The following GNAI1 variants were observed in gnomAD, a reference collection of about 807,000 sequenced individuals.
The protein encoded by GNAI1 is guanine nucleotide-binding protein G(i) subunit alpha-1.
A neutral mutation model predicts 38.9 loss-of-function variants in GNAI1; 11 were observed. That is an observed-to-expected ratio of 0.28 (90% CI 0.18 to 0.47). GNAI1 has a LOEUF of 0.47. GNAI1 is among the 20% of genes least tolerant of loss of function. The pLI is 0.99. For missense variants in GNAI1, 317 were observed against 436.9 expected (o/e 0.73, Z 2.45); for synonymous variants, 166 against 145.1 (o/e 1.14, Z -1.04).
chr7:80,147,974 A>G (rs1787657179), intron 1 of GNAI1, among the ~76,000 whole-genome samples: 3 of 152,168 alleles, frequency 2.0e-5, no homozygotes, highest in African/African-American at 2.4e-5. Flanking sequence ...TACATAACAC[A>G]TTATTGGAAC....
rs1030031797 is a variant in GNAI1, at chr7:80,225,860, C to A, written c.*8367C>A. 6.6e-6 allele frequency among the ~76,000 whole-genome samples: 1 copy of A among 152,110 alleles called. No individual in the cohort carries two copies. Among genetic ancestry groups the A allele is most frequent in the Admixed American group, 6.5e-5 (1 of 15,268 alleles). On this transcript the variant is annotated 3_prime_UTR_variant, in exon 8 of 8. Coordinates refer to ENST00000649796, the MANE Select transcript of GNAI1 (RefSeq NM_002069.6). ...AATTAGATTTATGTGCAGATTTTAG[C>A]TACCCTTGTCCTTGGAATGTGTATG...
At chr7:80,209,714 C>T (rs7776592) in intron 5 of GNAI1, among the ~76,000 whole-genome samples, 8,453 of 152,178 alleles carry the variant, frequency 0.056, 824 homozygotes, top group African/African-American at 0.19. Context: ...GATATGCTAT[C>T]TTTTCAGTAA....
chr7:80,164,698 T>C (rs1329997985), intron 1 of GNAI1, among the ~76,000 whole-genome samples: 2 of 152,178 alleles, frequency 1.3e-5, no homozygotes, highest in Admixed American at 6.5e-5. Context: ...CTCTAGACTT[T>C]ACCTAATTTT....
rs372773046 is a variant in GNAI1, at chr7:80,164,005, C to T, written c.119-24946C>T. On this transcript the variant is annotated intron_variant, in intron 1 of 7. Coordinates refer to ENST00000649796, the MANE Select transcript of GNAI1 (RefSeq NM_002069.6). ...TTTGGTGGGGGGACCGAGTCTCTCT[C>T]TGTCACCAGGCTTCTTTGTCAAACT... Among the ~76,000 whole-genome samples, 22 of 123,162 alleles carry T rather than the reference C, an allele frequency of 1.8e-4. No individual in the cohort carries two copies. In the South Asian group the frequency reaches 1.9e-3, roughly 11 times the overall value. The allele number at this position is 123,162 out of a possible 152,430, so 80.8% of individuals were successfully genotyped here. A position where few individuals can be genotyped will look rare whatever the true frequency, so the allele number is the denominator to read the frequency against.
chr7:80,147,262 C>T (rs1015380097), intron 1 of GNAI1, among the ~76,000 whole-genome samples: 4 of 151,844 alleles, frequency 2.6e-5, no homozygotes, highest in East Asian at 1.9e-4. Flanking sequence ...ATTCACATGT[C>T]GAAACCCTAA....
At chr7:80,178,241 G>A (rs1330052469) in intron 1 of GNAI1, among the ~76,000 whole-genome samples, 1 of 152,212 alleles carries the variant, frequency 6.6e-6, no homozygotes, top group Non-Finnish European at 1.5e-5. Flanking sequence ...TTGAGATGGA[G>A]TCTTTTCCTG....
In GNAI1 at chr7:80,222,285, T is replaced by TA. The variant is rs1176360042; in HGVS notation, c.*4792_*4793insA. Among the ~76,000 whole-genome samples the TA allele has an allele frequency of 1.3e-5, 2 of 152,066 alleles. No individual in the cohort carries two copies. The highest frequency in any genetic ancestry group is 2.9e-5 in the Non-Finnish European group (2 of 68,002). On this transcript the variant is annotated 3_prime_UTR_variant, in exon 8 of 8. Coordinates refer to ENST00000649796, the MANE Select transcript of GNAI1 (RefSeq NM_002069.6). ...TGAGTATTGTGTATAAGGTCAAATATTTCCAGCTTCTTTGATTTTACTGCC... is the reference window on the plus strand; with the variant it reads ...TGAGTATTGTGTATAAGGTCAAATATATTCCAGCTTCTTTGATTTTACTGCC...
In GNAI1 at chr7:80,211,125, G is replaced by A. The variant is rs368164174; in HGVS notation, c.720+27G>A. 1.5e-5 allele frequency: 24 copies of A among 1,604,026 alleles called. No individual in the cohort carries two copies. The Admixed American group carries it at 1.5e-4, about 10-fold the overall frequency. The stretch of plus-strand genomic sequence containing the variant: ...CAAGTAGAACTACTTTAAGAGTTGA[G>A]CTTGAAACATGAAGAGCTGAAGGTG... On this transcript the variant is annotated intron_variant, in intron 6 of 7. Transcript: ENST00000649796.
At chr7:80,157,944 A>C (rs1265157697) in intron 1 of GNAI1, among the ~76,000 whole-genome samples, 1 of 152,076 alleles carries the variant, frequency 6.6e-6, no homozygotes, top group African/African-American at 2.4e-5. Context: ...CCTGACCTCA[A>C]GTGATTCATC....
rs1014839874 is a variant in GNAI1 at position 80,164,292 on chromosome 7, C to T, written c.119-24659C>T. On this transcript the variant is annotated intron_variant, in intron 1 of 7. Transcript: ENST00000649796. ...CTCTTGACCTCGTGAGCTGCCACCT[C>T]GGCCTCCCAAAGTGCTGGGATTACA... 7.9e-5 allele frequency among the ~76,000 whole-genome samples: 12 copies of T among 151,628 alleles called. No individual in the cohort carries two copies. The South Asian group carries it at 1.0e-3, about 13-fold the overall frequency.
At chr7:80,179,335 T>C (rs1788251133) in intron 1 of GNAI1, among the ~76,000 whole-genome samples, 1 of 152,188 alleles carries the variant, frequency 6.6e-6, no homozygotes, top group South Asian at 2.1e-4. Context: ...AGTTTCTTTC[T>C]GATTCAGTAA....
intron 1 of GNAI1, among the ~76,000 whole-genome samples, chr7:80,157,128 C>T (rs1466771678): frequency 7.2e-5 from 11 of 152,186 alleles, no homozygotes; most frequent in Non-Finnish European, 1.6e-4. Flanking sequence ...TCCCTCCTAC[C>T]TTATGCTAAG....
chr7:80,155,627 CT>C, intron 1 of GNAI1, among the ~76,000 whole-genome samples: 1 of 151,820 alleles, frequency 6.6e-6, no homozygotes, highest in East Asian at 1.9e-4. Context: ...AGGCTGGTGC[CT>C]TTATTATTGA....
In GNAI1 at chr7:80,192,989, G is replaced by A. The variant is rs142189299; in HGVS notation, c.303+3758G>A. On this transcript the variant is annotated intron_variant, in intron 3 of 7. Coordinates refer to ENST00000649796, the MANE Select transcript of GNAI1 (RefSeq NM_002069.6). ...GCTGGGATTATAGGCATGAGGCACC[G>A]CACCCGGCCTTGTTTTATTGTTTTT... Among the ~76,000 whole-genome samples the A allele has an allele frequency of 3.3e-3, 496 of 148,068 alleles. 1 individual carries two copies. Among genetic ancestry groups the A allele is most frequent in the African/African-American group, 0.012 (460 of 39,946 alleles).
chr7:80,138,898 T>C (rs1279703294), intron 1 of GNAI1, among the ~76,000 whole-genome samples: 2 of 152,134 alleles, frequency 1.3e-5, no homozygotes, highest in Non-Finnish European at 2.9e-5. Context: ...TTGGTGGATA[T>C]TTTTCTATTG....
At chr7:80,159,879 A>G (rs957717832) in intron 1 of GNAI1, among the ~76,000 whole-genome samples, 3 of 152,202 alleles carry the variant, frequency 2.0e-5, no homozygotes, top group Non-Finnish European at 4.4e-5. Context: ...AACACATCTC[A>G]TAGGGATTGC....
chr7:80,168,946 T>A (rs1788058509), intron 1 of GNAI1, among the ~76,000 whole-genome samples: 1 of 152,252 alleles, frequency 6.6e-6, no homozygotes, highest in Non-Finnish European at 1.5e-5. Context: ...TCTTTTTATG[T>A]TACAGGACCT....
chr7:80,208,137 A>C (rs1269280231), intron 5 of GNAI1, among the ~76,000 whole-genome samples: 2 of 152,146 alleles, frequency 1.3e-5, no homozygotes, highest in Non-Finnish European at 2.9e-5. Context: ...ATCACTTCTC[A>C]GCATGTCCAA....
chr7:80,186,799 G>A (rs1788392913), intron 1 of GNAI1, among the ~76,000 whole-genome samples: 1 of 152,192 alleles, frequency 6.6e-6, no homozygotes, highest in South Asian at 2.1e-4. Context: ...GAAACCCAGA[G>A]TGGTTTATTA....
Sources: gnomAD v4.1 joint callset for allele counts (sites outside exome capture counted in the v4.1 genomes callset) on GRCh38, gnomAD v4.1.1 for gene constraint, MANE v1.5 for transcripts, NCBI Gene and HGNC (gene_info 2026-07-23, HGNC 2026-07-21) for gene names.